Variants in ATP9A observed in about 807,000 individuals in gnomAD.
ATP9A encodes probable phospholipid-transporting ATPase IIA.
Under a neutral mutation model 144.1 loss-of-function variants are expected in ATP9A, and 52 were observed. That is an observed-to-expected ratio of 0.36 (90% CI 0.29 to 0.45). The LOEUF is 0.45. Ranked by LOEUF, ATP9A falls within the 20% of genes least tolerant of loss-of-function variation. The pLI is 1.00. For missense variants in ATP9A, 947 were observed against 1,392.7 expected, an observed-to-expected ratio of 0.68 and a Z score of 5.09; for synonymous variants, 582 against 557.4, an observed-to-expected ratio of 1.04 and a Z score of -0.62.
At chr20:51,623,786 T>G (rs1369800560) in intron 18 of ATP9A, among the ~76,000 whole-genome samples, 76 of 48,254 alleles carry the variant, frequency 1.6e-3, no homozygotes, top group African/African-American at 6.5e-3. Flanking sequence ...AAACTCTGTC[T>G]CAAAAAAAAA....
intron 14 of ATP9A, among the ~76,000 whole-genome samples, chr20:51,647,518 T>C (rs1271591187): frequency 6.6e-6 from 1 of 151,898 alleles, no homozygotes; most frequent in Non-Finnish European, 1.5e-5. Flanking sequence ...GGCACTGTAC[T>C]CCAGCCTGAG....
intron 9 of ATP9A, among the ~76,000 whole-genome samples, chr20:51,686,345 C>A: frequency 6.8e-6 from 1 of 147,884 alleles, no homozygotes. Context: ...GCACATGTAC[C>A]CTAGAACTTA....
rs771285812 is a variant in ATP9A at position 51,627,717 on chromosome 20, G to A, written c.1762-34C>T. 22 of 1,569,478 alleles carry A rather than the reference G, an allele frequency of 1.4e-5. No individual in the cohort carries two copies. The Middle Eastern group carries it at 5.0e-4, about 36-fold the overall frequency. ...TAGACCACGGTCGAGTGGGAGCGGT[G>A]CTGAGAGCTCCTGACCTCACTGGGG... On this transcript the variant is annotated intron_variant, in intron 16 of 27. Transcript: ENST00000338821.
intron 7 of ATP9A, among the ~76,000 whole-genome samples, chr20:51,692,730 A>C (rs960107040): frequency 2.0e-5 from 3 of 152,170 alleles, no homozygotes; most frequent in Non-Finnish European, 4.4e-5. Flanking sequence ...TGAACCCAGG[A>C]GGTGGAGGTT....
At chr20:51,631,949 T>C (rs2077271689) in intron 15 of ATP9A, among the ~76,000 whole-genome samples, 1 of 152,242 alleles carries the variant, frequency 6.6e-6, no homozygotes, top group Non-Finnish European at 1.5e-5. Flanking sequence ...GAAGGTGCCA[T>C]CTTGCACTGT....
chr20:51,767,344 T>C (rs1226693503), intron 1 of ATP9A, among the ~76,000 whole-genome samples: 2 of 152,120 alleles, frequency 1.3e-5, no homozygotes, highest in Non-Finnish European at 1.5e-5. Context: ...AGAACTCTGA[T>C]TGGCGGGTCT....
At chr20:51,762,603 G>A (rs1369467611) in intron 1 of ATP9A, among the ~76,000 whole-genome samples, 2 of 151,830 alleles carry the variant, frequency 1.3e-5, no homozygotes, top group East Asian at 1.9e-4. Flanking sequence ...AGGTTGCAGT[G>A]AGTAGAGATC....
chr20:51,669,896 G>C (rs138938572), intron 13 of ATP9A, 101 bp downstream of exon 13: 2 of 818,600 alleles, frequency 2.4e-6, no homozygotes, highest in Non-Finnish European at 4.1e-6. Context: ...TTGTACTCTT[G>C]AAATGGGTGA....
At chr20:51,604,170 T>C (rs1281616936) in intron 27 of ATP9A, among the ~76,000 whole-genome samples, 2 of 134,156 alleles carry the variant, frequency 1.5e-5, no homozygotes, top group Non-Finnish European at 3.4e-5. Context: ...CTGATATTCC[T>C]GTGCTCACAC....
chr20:51,627,719 T>C, intron 16 of ATP9A, 36 bp from the exon 17 acceptor site: 1 of 1,556,530 alleles, frequency 6.4e-7, no homozygotes, highest in Non-Finnish European at 8.9e-7. Flanking sequence ...GGAGCGGTGC[T>C]GAGAGCTCCT....
At chr20:51,601,423 C>G (rs2122700726) in intron 27 of ATP9A, 76 bp from the exon 28 acceptor site, 1 of 1,408,624 alleles carries the variant, frequency 7.1e-7, no homozygotes, top group South Asian at 1.5e-5. Context: ...AAACAGGCGT[C>G]ACAACTATCA....
chr20:51,656,966 C>T lies in ATP9A; in HGVS notation c.1478G>A (p.Arg493His), dbSNP rs1273614407. 2.5e-6 allele frequency: 4 copies of T among 1,614,076 alleles called. No homozygotes were observed. The highest frequency in any genetic ancestry group is 3.4e-6 in the Non-Finnish European group (4 of 1,180,008). Residue 493 changes from arginine (R) to histidine (H), a missense_variant, in exon 14 of 28, where the codon CGC becomes CAC. By Grantham distance (29) the Arg-to-His change is conservative (BLOSUM62 0). This residue lies in a region of ATP9A where 770 missense variants were observed against 1,047.9 expected (regional missense o/e 0.73). Coordinates refer to ENST00000338821, the MANE Select transcript of ATP9A (RefSeq NM_006045.3). ...ATCGGGGCTGGATGCCTGGTATACG[C>T]GGCAGGAGTCTTCGTACTGCTTCTC... is the stretch of plus-strand genomic sequence containing the variant. Reference protein sequence around the residue: ...EAEKQYEDSCRVYQASSPDEV... With the variant: ...EAEKQYEDSCHVYQASSPDEV...
In ATP9A at chr20:51,690,669, C is replaced by T. The variant is rs114733170; in HGVS notation, c.723+70G>A. On this transcript the variant is annotated intron_variant, in intron 8 of 27. Transcript: ENST00000338821. ...ACTTCCTGACAAAGAACTGTCAGTACTTCTTGGCCTTCATTTCATCCCTTA... is the reference window on the plus strand; with the variant it reads ...ACTTCCTGACAAAGAACTGTCAGTATTTCTTGGCCTTCATTTCATCCCTTA... The T allele has an allele frequency of 2.7e-4, 351 of 1,318,228 alleles. 1 individual carries two copies. The African/African-American group carries it at 4.8e-3, about 18-fold the overall frequency. 81.7% of individuals were successfully genotyped at this position (1,318,228 alleles called of 1,614,324 possible). A position where few individuals can be genotyped will look rare whatever the true frequency, so the allele number is the denominator to read the frequency against.
intron 1 of ATP9A, among the ~76,000 whole-genome samples, chr20:51,745,725 C>G (rs767570766): frequency 6.6e-6 from 1 of 152,150 alleles, no homozygotes; most frequent in African/African-American, 2.4e-5. Context: ...GCCCACTAGG[C>G]TTCTGTGATG....
chr20:51,671,901 C>T (rs952433381), intron 11 of ATP9A, among the ~76,000 whole-genome samples: 2 of 152,022 alleles, frequency 1.3e-5, no homozygotes, highest in African/African-American at 4.8e-5. Context: ...CGGGTTCAAA[C>T]GATTCTCACA....
intron 3 of ATP9A, among the ~76,000 whole-genome samples, chr20:51,714,784 G>C (rs1334494728): frequency 6.6e-6 from 1 of 152,224 alleles, no homozygotes; most frequent in East Asian, 1.9e-4. Context: ...GCGCCCAGCT[G>C]TTTTAAGTTT....
At chr20:51,661,964 G>T in intron 13 of ATP9A, among the ~76,000 whole-genome samples, 1 of 152,134 alleles carries the variant, frequency 6.6e-6, no homozygotes, top group East Asian at 1.9e-4. Context: ...ACCCTCATTT[G>T]GTCATGTCTG....
At chr20:51,728,402 G>T (rs931840544) in intron 2 of ATP9A, among the ~76,000 whole-genome samples, 12 of 152,020 alleles carry the variant, frequency 7.9e-5, no homozygotes, top group Non-Finnish European at 1.6e-4. Flanking sequence ...CAAGGTGGGT[G>T]GATCACCTGA....
At position 51,627,815 on chromosome 20, in the gene ATP9A, C is replaced by T. The variant is rs182644820; in HGVS notation, c.1762-132G>A. On this transcript the variant is annotated intron_variant, in intron 16 of 27. Transcript: ENST00000338821. ...AATGGCAAATCAGAAAGTTGCTTTCCCCTACGGCAATCCTCCCTGGAGCAA... is the reference window on the plus strand; with the variant it reads ...AATGGCAAATCAGAAAGTTGCTTTCTCCTACGGCAATCCTCCCTGGAGCAA... 145 of 755,142 alleles carry T rather than the reference C, an allele frequency of 1.9e-4. No homozygotes were observed. In the Admixed American group the frequency reaches 2.8e-3, roughly 15 times the overall value. 46.8% of individuals were successfully genotyped at this position (755,142 alleles called of 1,614,324 possible).
Sources: gnomAD v4.1 joint callset for allele counts (sites outside exome capture counted in the v4.1 genomes callset) on GRCh38, gnomAD v4.1.1 for gene constraint, gnomAD v4.1.1 regional missense constraint, MANE v1.5 for transcripts, NCBI Gene and HGNC (gene_info 2026-07-23, HGNC 2026-07-21) for gene names.